DTNB: variants seen among roughly 807,000 people sequenced by gnomAD.
DTNB encodes the protein DTN-B.
Under a neutral mutation model 90.7 loss-of-function variants are expected in DTNB, and 63 were observed. That is an observed-to-expected ratio of 0.69 (90% CI 0.57 to 0.86). The LOEUF is 0.86. DTNB is among the 40% of genes least tolerant of loss of function. The probability of loss-of-function intolerance (pLI) is 0.00; values close to 1 mark genes in which losing one functional copy is unlikely to be tolerated. For missense variants in DTNB, 744 were observed against 807.1 expected (o/e 0.92, Z 0.95); for synonymous variants, 277 against 286.7 (o/e 0.97, Z 0.34).
intron 8 of DTNB, among the ~76,000 whole-genome samples, chr2:25,559,164 C>T (rs13410147): frequency 0.012 from 1,759 of 152,248 alleles, 45 homozygotes; most frequent in African/African-American, 0.04. Flanking sequence ...GTTTTTATTC[C>T]TGTGAGGCTC....
chr2:25,577,320 T>C (rs2060841060), intron 7 of DTNB, among the ~76,000 whole-genome samples: 1 of 151,874 alleles, frequency 6.6e-6, no homozygotes, highest in South Asian at 2.1e-4. Flanking sequence ...GCCTGTAATC[T>C]CAGTTACTCA....
chr2:25,630,810 C>G (rs1403261168), intron 3 of DTNB, among the ~76,000 whole-genome samples: 3 of 138,016 alleles, frequency 2.2e-5, no homozygotes, highest in Admixed American at 7.8e-5. Context: ...CACCACTGCA[C>G]TCCAGCCTGG....
intron 11 of DTNB, 53 bp from the exon 12 acceptor site, chr2:25,451,688 G>C (rs2059312419): frequency 3.5e-6 from 5 of 1,437,586 alleles, no homozygotes; most frequent in Non-Finnish European, 4.6e-6. Context: ...CCTTATTCTT[G>C]TTCCATTCTC....
At chr2:25,648,610 T>C (rs1246427694) in intron 2 of DTNB, among the ~76,000 whole-genome samples, 1 of 152,156 alleles carries the variant, frequency 6.6e-6, no homozygotes, top group Non-Finnish European at 1.5e-5. Flanking sequence ...TATTAAATTA[T>C]TATGACTGCT....
chr2:25,550,037 G>A lies in DTNB; in HGVS notation c.877-18440C>T, dbSNP rs183462857. On this transcript the variant is annotated intron_variant, in intron 8 of 20. Transcript: ENST00000406818. The stretch of plus-strand genomic sequence containing the variant: ...TACTGTGGTACACTTGCTGCTGAAA[G>A]CTAGTATGGATGGGATAGAATTTTA... Among the ~76,000 whole-genome samples the A allele has an allele frequency of 7.9e-5, 12 of 152,226 alleles. No individual in the cohort carries two copies. In the East Asian group the frequency reaches 1.9e-3, roughly 25 times the overall value.
intron 8 of DTNB, among the ~76,000 whole-genome samples, chr2:25,553,664 T>C (rs1021280539): frequency 2.0e-4 from 27 of 137,936 alleles, no homozygotes; most frequent in Non-Finnish European, 3.3e-4. Context: ...CACTTGAACC[T>C]GGGAGGCGGA....
Position 25,427,642 on chromosome 2 carries a change from C to G in DTNB, c.1458-11G>C. On this transcript the variant is annotated splice_polypyrimidine_tract_variant and intron_variant, in intron 14 of 20. Transcript: ENST00000406818. Reference sequence around the variant, plus strand: ...TCATCCTTCCTTTGCCTATCCAAGACGAGAAGCCTATCAGATAAAGAGACC... The same window carrying G: ...TCATCCTTCCTTTGCCTATCCAAGAGGAGAAGCCTATCAGATAAAGAGACC... 1 of 1,611,464 alleles carries G rather than the reference C, an allele frequency of 6.2e-7. No individual in the cohort carries two copies. The highest frequency in any genetic ancestry group is 8.5e-7 in the Non-Finnish European group (1 of 1,179,520).
intron 12 of DTNB, among the ~76,000 whole-genome samples, chr2:25,447,243 T>C (rs921445282): frequency 6.6e-6 from 1 of 152,234 alleles, no homozygotes; most frequent in African/African-American, 2.4e-5. Context: ...AGTTGGACTC[T>C]TTCAGTGGGA....
intron 8 of DTNB, among the ~76,000 whole-genome samples, chr2:25,553,973 G>T (rs909776173): frequency 2.0e-5 from 3 of 151,974 alleles, no homozygotes; most frequent in African/African-American, 7.3e-5. Context: ...AGATTTGCTA[G>T]AATTCAACAT....
intron 8 of DTNB, among the ~76,000 whole-genome samples, chr2:25,571,619 T>C (rs1230999111): frequency 6.6e-6 from 1 of 152,164 alleles, no homozygotes; most frequent in African/African-American, 2.4e-5. Flanking sequence ...ATGACTTCCC[T>C]ATTCAACCTC....
At chr2:25,585,973 T>C (rs1251812494) in intron 6 of DTNB, among the ~76,000 whole-genome samples, 2 of 152,246 alleles carry the variant, frequency 1.3e-5, no homozygotes, top group Non-Finnish European at 2.9e-5. Context: ...CAAAATAATA[T>C]AATGTTACTC....
At chr2:25,579,409 G>A (rs138652666) in intron 7 of DTNB, among the ~76,000 whole-genome samples, 115 of 152,264 alleles carry the variant, frequency 7.6e-4, no homozygotes, top group African/African-American at 2.6e-3. Flanking sequence ...AAAACAGTAT[G>A]GATGTTTATT....
chr2:25,497,771 T>C (rs774765291), intron 9 of DTNB: 5 of 152,254 alleles, frequency 3.3e-5, no homozygotes, highest in African/African-American at 9.6e-5. Flanking sequence ...ATTTATTTCA[T>C]GTAGTCAATA....
At chr2:25,395,712 A>G (rs918710266) in intron 16 of DTNB, among the ~76,000 whole-genome samples, 5 of 152,160 alleles carry the variant, frequency 3.3e-5, no homozygotes, top group Non-Finnish European at 7.4e-5. Flanking sequence ...ATTTGTAGGT[A>G]TTTCTCATGT....
At chr2:25,560,949 C>A (rs376916745) in intron 8 of DTNB, among the ~76,000 whole-genome samples, 20 of 152,182 alleles carry the variant, frequency 1.3e-4, no homozygotes, top group African/African-American at 4.8e-4. Context: ...TCTTCTTCAG[C>A]AACTGTTCTC....
At chr2:25,586,328 T>C (rs1286401906) in intron 6 of DTNB, among the ~76,000 whole-genome samples, 4 of 151,460 alleles carry the variant, frequency 2.6e-5, no homozygotes, top group African/African-American at 7.3e-5. Context: ...TTGGCCAACA[T>C]GGTGAAACCC....
At chr2:25,496,173 T>C (rs2150513938) in intron 9 of DTNB, among the ~76,000 whole-genome samples, 1 of 152,356 alleles carries the variant, frequency 6.6e-6, no homozygotes, top group Non-Finnish European at 1.5e-5. Context: ...TATTGCTCAA[T>C]TTATCATCAT....
intron 10 of DTNB, among the ~76,000 whole-genome samples, chr2:25,461,027 C>T (rs548694431): frequency 6.6e-6 from 1 of 152,200 alleles, no homozygotes; most frequent in African/African-American, 2.4e-5. Context: ...CCTCAGCCTC[C>T]TGAGCAGCTG....
chr2:25,464,918 A>T (rs909692311), intron 10 of DTNB, among the ~76,000 whole-genome samples: 1 of 152,230 alleles, frequency 6.6e-6, no homozygotes, highest in African/African-American at 2.4e-5. Flanking sequence ...GGAGCCAGGG[A>T]GACAGGATGA....
Sources: allele counts gnomAD v4.1 joint callset (sites outside exome capture counted in the v4.1 genomes callset), GRCh38; gene constraint gnomAD v4.1.1; transcripts MANE v1.5; gene names NCBI Gene and HGNC (gene_info 2026-07-23, HGNC 2026-07-21).